Variants in C11orf24 observed in about 807,000 individuals in gnomAD.
The protein encoded by C11orf24 is chromosome 11 open reading frame 24, also known as uncharacterized protein C11orf24.
A neutral mutation model predicts 7.3 loss-of-function variants in C11orf24; 5 were observed. That is an observed-to-expected ratio of 0.69 (90% CI 0.36 to 1.45). The LOEUF (loss-of-function observed/expected upper bound fraction) is 1.45, where lower values mean the gene tolerates loss of function less well. C11orf24 is among the 40% of genes most tolerant of loss of function. The pLI is 0.03. For synonymous variants in C11orf24, 233 were observed against 235.7 expected (o/e 0.99, Z 0.11); for missense variants, 566 against 590.5 (o/e 0.96, Z 0.43).
intron 1 of C11orf24, among the ~76,000 whole-genome samples, chr11:68,269,613 C>T (rs545304210): frequency 6.6e-6 from 1 of 152,370 alleles, no homozygotes; most frequent in East Asian, 1.9e-4. Flanking sequence ...TGCACACATG[C>T]CACCACACAT....
intron 2 of C11orf24, 92 bp downstream of exon 2, chr11:68,267,956 TTTTCCC>T (rs1453471248): frequency 6.6e-6 from 1 of 152,358 alleles, no homozygotes; most frequent in East Asian, 1.9e-4. Context: ...CTGTCTTTCC[TTTTCCC>T]TTGACCCTCT....
At chr11:68,265,266 G>C (rs1248308386) in intron 2 of C11orf24, among the ~76,000 whole-genome samples, 1 of 152,162 alleles carries the variant, frequency 6.6e-6, no homozygotes, top group East Asian at 1.9e-4. Context: ...GTCCCTCCGG[G>C]GCCTTAGACA....
chr11:68,261,611 A>T lies in C11orf24; in HGVS notation c.*34T>A, dbSNP rs539972555. The T allele has an allele frequency of 1.3e-6, 2 of 1,558,046 alleles. No homozygotes were observed. Among genetic ancestry groups the T allele is most frequent in the Admixed American group, 3.8e-5 (2 of 52,432 alleles). ...CAAAGGCAAAAGGAAAGGACGAGGA[A>T]GGGGCCAGGCCTCCCGCCAGGCCCC... On this transcript the variant is annotated 3_prime_UTR_variant, in exon 4 of 4. Transcript: ENST00000304271.
intron 3 of C11orf24, 46 bp downstream of exon 3, chr11:68,263,646 T>C (rs2153103446): frequency 1.9e-6 from 3 of 1,561,190 alleles, no homozygotes; most frequent in South Asian, 1.1e-5. Flanking sequence ...GCATGCTTTG[T>C]GGCCACCGTG....
chr11:68,265,411 T>G (rs2098564598), intron 2 of C11orf24, among the ~76,000 whole-genome samples: 2 of 152,342 alleles, frequency 1.3e-5, no homozygotes, highest in Non-Finnish European at 2.9e-5. Flanking sequence ...CTTCAGAGAC[T>G]GCAGTGGTCC....
In C11orf24 at chr11:68,261,514, T is replaced by C; in HGVS notation, c.*131A>G. On this transcript the variant is annotated 3_prime_UTR_variant, in exon 4 of 4. Coordinates refer to ENST00000304271, the MANE Select transcript of C11orf24 (RefSeq NM_022338.4). ...GATCATGGAATTAATCTGACAGCAA[T>C]TAAATGTGTTTAAGCATCTGGCATA... 2 of 701,690 alleles carry C rather than the reference T, an allele frequency of 2.9e-6. No individual in the cohort carries two copies. Among genetic ancestry groups the C allele is most frequent in the Non-Finnish European group, 4.7e-6 (2 of 422,598 alleles). The allele number at this position is 701,690 out of a possible 1,614,324, so 43.5% of individuals were successfully genotyped here.
At chr11:68,266,767 CTT>C (rs993110563) in intron 2 of C11orf24, among the ~76,000 whole-genome samples, 8 of 152,148 alleles carry the variant, frequency 5.3e-5, no homozygotes, top group African/African-American at 1.9e-4. Context: ...ATGGCTCTCT[CTT>C]GGGCCAGTAA....
chr11:68,270,071 G>T (rs932312424), intron 1 of C11orf24, among the ~76,000 whole-genome samples: 2 of 152,176 alleles, frequency 1.3e-5, no homozygotes, highest in Admixed American at 1.3e-4. Context: ...TTATTATGTG[G>T]TACAGGGAGA....
At chr11:68,265,860 A>G (rs1411604787) in intron 2 of C11orf24, among the ~76,000 whole-genome samples, 1 of 152,222 alleles carries the variant, frequency 6.6e-6, no homozygotes, top group African/African-American at 2.4e-5. Flanking sequence ...AACAGTCACA[A>G]GGTAACCAGC....
intron 1 of C11orf24, among the ~76,000 whole-genome samples, chr11:68,268,557 T>C (rs1400843164): frequency 6.6e-6 from 1 of 152,136 alleles, no homozygotes; most frequent in East Asian, 1.9e-4. Context: ...CTGGGCGTGG[T>C]GGTGGGCACC....
chr11:68,263,180 C>A, intron 3 of C11orf24: 1 of 530,740 alleles, frequency 1.9e-6, no homozygotes, highest in South Asian at 2.4e-5. Flanking sequence ...GGCTTCAGAC[C>A]TTCACTATTT....
chr11:68,266,582 A>G (rs191009612), intron 2 of C11orf24, among the ~76,000 whole-genome samples: 17 of 152,310 alleles, frequency 1.1e-4, no homozygotes, highest in Non-Finnish European at 1.8e-4. Flanking sequence ...CTAGAGTGCA[A>G]AAAGCATTCT....
Position 68,261,822 on chromosome 11 carries a change from G to C in C11orf24, c.1173C>G (p.Pro391=). ...QGQYMVVTTE[P]LTQAVVDKTL... ...TTTTGTCTACCACGGCCTGGGTGAG[G>C]GGCTCAGTGGTGACCACCATGTACT... The change falls in exon 4 of 4, where the codon CCC becomes CCG. Residue 391 remains proline, a synonymous_variant. Transcript: ENST00000304271. 1 of 1,614,202 alleles carries C rather than the reference G, an allele frequency of 6.2e-7. No individual in the cohort carries two copies. The highest frequency in any genetic ancestry group is 8.5e-7 in the Non-Finnish European group (1 of 1,180,050).
At chr11:68,263,624 T>A in intron 3 of C11orf24, 68 bp downstream of exon 3, 1 of 1,469,950 alleles carries the variant, frequency 6.8e-7, no homozygotes, top group Non-Finnish European at 9.5e-7. Context: ...AGATGCTGCT[T>A]TCAAGGGCTC....
At chr11:68,263,563 T>C (rs1565290392) in intron 3 of C11orf24, 129 bp downstream of exon 3, 1 of 799,442 alleles carries the variant, frequency 1.3e-6, no homozygotes, top group Non-Finnish European at 2.0e-6. Context: ...AACCCTTCCC[T>C]GTGCGGCACC....
At position 68,263,711 on chromosome 11, in the gene C11orf24, A is replaced by G. The variant is rs571164426; in HGVS notation, c.57T>C (p.His19=). ...WIFSLSLSES[H]AASNDPRNFV... ...ACTTACGTGGATCGTTGGATGCCGC[A>G]TGGCTTTCAGATAAGGACAAGGAGA... Residue 19 remains histidine, a synonymous_variant, in exon 3 of 4, where the codon CAT becomes CAC. Transcript: ENST00000304271. 6 of 1,613,626 alleles carry G rather than the reference A, an allele frequency of 3.7e-6. No individual in the cohort carries two copies. The East Asian group carries it at 8.9e-5, about 24-fold the overall frequency.
At chr11:68,265,924 G>C (rs572733263) in intron 2 of C11orf24, among the ~76,000 whole-genome samples, 6 of 152,376 alleles carry the variant, frequency 3.9e-5, no homozygotes, top group Non-Finnish European at 7.3e-5. Context: ...TAGGCAGACT[G>C]GGGCTTTGGG....
chr11:68,261,347 G>GTA lies in C11orf24; in HGVS notation c.*297_*298insTA. On this transcript the variant is annotated 3_prime_UTR_variant, in exon 4 of 4. Transcript: ENST00000304271. The stretch of plus-strand genomic sequence containing the variant: ...TGCACCCACACGATTGTGGCGAGCA[G>GTA]TCAGTACTTTAATTCAGGTCAGGCT... 2.8e-6 allele frequency: 1 copy of GTA among 361,748 alleles called. No homozygotes were observed. The highest frequency in any genetic ancestry group is 3.7e-5 in the South Asian group (1 of 26,948). 22.4% of individuals were successfully genotyped at this position (361,748 alleles called of 1,614,324 possible).
rs753839134 is a variant in C11orf24, at chr11:68,262,052, G to A, written c.943C>T (p.Pro315Ser). ...GTGGGGGACATGGCCTCCATCTCAG[G>A]GATTGGGCTGGTGTGAGGTACTGGC... Reference protein sequence around the residue: ...PVPVPHTSPIPEMEAMSPTTQ... With the variant: ...PVPVPHTSPISEMEAMSPTTQ... The change falls in exon 4 of 4, where the codon CCT becomes TCT. Residue 315 changes from proline (P) to serine (S), a missense_variant. Pro to Ser is a moderately conservative substitution (Grantham distance 74). Transcript: ENST00000304271. 3 of 1,613,954 alleles carry A rather than the reference G, an allele frequency of 1.9e-6. No individual in the cohort carries two copies. Among genetic ancestry groups the A allele is most frequent in the South Asian group, 2.2e-5 (2 of 91,090 alleles).
Sources: allele counts gnomAD v4.1 joint callset (sites outside exome capture counted in the v4.1 genomes callset), GRCh38; gene constraint gnomAD v4.1.1; transcripts MANE v1.5; gene names NCBI Gene and HGNC (gene_info 2026-07-23, HGNC 2026-07-21).